DNAJC13: variants seen among roughly 807,000 people sequenced by gnomAD.
The protein encoded by DNAJC13 is DnaJ heat shock protein family (Hsp40) member C13.
DNAJC13 carries 75 observed loss-of-function variants against 290.5 expected under a neutral mutation model. The observed-to-expected ratio is 0.26, with a 90% CI of 0.21 to 0.31. DNAJC13 has a LOEUF of 0.31. DNAJC13 is among the 10% of genes least tolerant of loss of function. The pLI is 1.00. For synonymous variants in DNAJC13, 862 were observed against 892.0 expected, an observed-to-expected ratio of 0.97 and a Z score of 0.60; for missense variants, 2,260 against 2,674.5, an observed-to-expected ratio of 0.85 and a Z score of 3.42.
chr3:132,461,464 C>T (rs1390415259), intron 15 of DNAJC13, among the ~76,000 whole-genome samples: 2 of 152,186 alleles, frequency 1.3e-5, no homozygotes, highest in African/African-American at 4.8e-5. Context: ...GGGCTACACT[C>T]AAAGCCATCC....
chr3:132,508,640 C>G (rs4267640), intron 43 of DNAJC13, among the ~76,000 whole-genome samples: 90,974 of 152,028 alleles, frequency 0.6, 29,409 homozygotes, highest in East Asian at 0.87. Flanking sequence ...AGAGGGAAGA[C>G]GGGGGTGGTC....
chr3:132,455,221 G>A (rs1933561028), intron 9 of DNAJC13, among the ~76,000 whole-genome samples: 1 of 152,026 alleles, frequency 6.6e-6, no homozygotes, highest in South Asian at 2.1e-4. Flanking sequence ...GATTGAAATA[G>A]ACACCTCACT....
chr3:132,510,958 A>G (rs1188808423), intron 43 of DNAJC13, 109 bp from the exon 44 acceptor site: 4 of 1,220,442 alleles, frequency 3.3e-6, no homozygotes, highest in Non-Finnish European at 4.7e-6. Flanking sequence ...ATGTGTATGT[A>G]TAATTTAATC....
In DNAJC13 at chr3:132,538,312, A is replaced by G. The variant is rs1291379405; in HGVS notation, c.*30A>G. 2 of 1,578,730 alleles carry G rather than the reference A, an allele frequency of 1.3e-6. No individual in the cohort carries two copies. Among genetic ancestry groups the G allele is most frequent in the Non-Finnish European group, 1.7e-6 (2 of 1,151,734 alleles). On this transcript the variant is annotated 3_prime_UTR_variant, in exon 56 of 56. Transcript: ENST00000260818. ...TTCACGAGAGACAATAAACGCTGAAAGGCCAGTGCCAAGTCCACATTCCTC... is the reference window on the plus strand; with the variant it reads ...TTCACGAGAGACAATAAACGCTGAAGGGCCAGTGCCAAGTCCACATTCCTC...
chr3:132,469,406 G>A (rs909054125), intron 20 of DNAJC13, among the ~76,000 whole-genome samples: 1 of 152,170 alleles, frequency 6.6e-6, no homozygotes, highest in African/African-American at 2.4e-5. Context: ...AGTAACCTTT[G>A]GCTAATGTAT....
chr3:132,527,065 A>AT (rs1460792550), intron 53 of DNAJC13, among the ~76,000 whole-genome samples: 2 of 152,230 alleles, frequency 1.3e-5, no homozygotes, highest in African/African-American at 4.8e-5. Flanking sequence ...TACATTGTAT[A>AT]TTTCAAAATT....
chr3:132,493,973 C>T lies in DNAJC13; in HGVS notation c.3826-171C>T, dbSNP rs539815082. Among the ~76,000 whole-genome samples, 22 of 152,112 alleles carry T rather than the reference C, an allele frequency of 1.4e-4. No individual in the cohort carries two copies. In the South Asian group the frequency reaches 3.7e-3, roughly 26 times the overall value. On this transcript the variant is annotated intron_variant, in intron 33 of 55. Coordinates refer to ENST00000260818, the MANE Select transcript of DNAJC13 (RefSeq NM_015268.4). Reference sequence around the variant, plus strand: ...CTTGTAACAAATACCTTGCTCTGCCCAACTATACAGCAGTGCTCAGGTGAT... The same window carrying T: ...CTTGTAACAAATACCTTGCTCTGCCTAACTATACAGCAGTGCTCAGGTGAT...
At chr3:132,513,138 C>T (rs1013506603) in intron 45 of DNAJC13, 39 bp downstream of exon 45, 15 of 1,497,174 alleles carry the variant, frequency 1.0e-5, no homozygotes, top group Non-Finnish European at 1.4e-5. Context: ...GCCTTTCCTA[C>T]CACTTACCAT....
intron 34 of DNAJC13, among the ~76,000 whole-genome samples, chr3:132,494,729 C>A (rs903054332): frequency 6.6e-6 from 1 of 152,060 alleles, no homozygotes; most frequent in African/African-American, 2.4e-5. Flanking sequence ...TAGACTAAAA[C>A]TGTATATTTT....
chr3:132,466,196 A>C, intron 18 of DNAJC13, 103 bp from the exon 19 acceptor site: 2 of 1,424,460 alleles, frequency 1.4e-6, no homozygotes, highest in Non-Finnish European at 9.7e-7. Flanking sequence ...AGTTACCGTA[A>C]AGTTTTACCC....
chr3:132,463,914 A>C, intron 17 of DNAJC13, 97 bp downstream of exon 17: 1 of 1,358,720 alleles, frequency 7.4e-7, no homozygotes, highest in Non-Finnish European at 9.9e-7. Flanking sequence ...TTACACAAAT[A>C]ATACATTTTC....
chr3:132,457,865 A>T (rs577015886), intron 13 of DNAJC13: 1 of 153,064 alleles, frequency 6.5e-6, no homozygotes. Context: ...GTTATAAGGT[A>T]TGGATGGGGG....
At chr3:132,521,062 T>C (rs908488752) in intron 48 of DNAJC13, among the ~76,000 whole-genome samples, 10 of 152,156 alleles carry the variant, frequency 6.6e-5, no homozygotes, top group Non-Finnish European at 1.2e-4. Flanking sequence ...GTGATTCTTA[T>C]GAGACAGCTA....
rs756954400 is a variant in DNAJC13 at position 132,434,529 on chromosome 3, A to G, written c.-13-9A>G. The stretch of plus-strand genomic sequence containing the variant: ...ATGTACTAAGTGCCCTCATATTTTT[A>G]TCTTCCAGGTTTGAGCACAAAATGA... On this transcript the variant is annotated splice_polypyrimidine_tract_variant and intron_variant, in intron 1 of 55. Coordinates refer to ENST00000260818, the MANE Select transcript of DNAJC13 (RefSeq NM_015268.4). 49 of 1,599,432 alleles carry G rather than the reference A, an allele frequency of 3.1e-5. No homozygotes were observed. The highest frequency in any genetic ancestry group is 3.9e-5 in the Non-Finnish European group (46 of 1,170,558).
At chr3:132,525,164 C>T (rs571226102) in intron 51 of DNAJC13, among the ~76,000 whole-genome samples, 1 of 152,190 alleles carries the variant, frequency 6.6e-6, no homozygotes, top group Non-Finnish European at 1.5e-5. Context: ...ATGGAGAAAC[C>T]CCGTCTCTAC....
rs750053629 is a variant in DNAJC13, at chr3:132,447,110, GTCA to G, written c.145-206_145-204del. 3.9e-5 allele frequency among the ~76,000 whole-genome samples: 6 copies of G among 151,980 alleles called. No homozygotes were observed. The East Asian group carries it at 7.7e-4, about 20-fold the overall frequency. ...TTAATTTTAATTTCTTTGGATTAATGTCATCATTAAAATAGGAATACATATTGG... is the reference window on the plus strand; with the variant it reads ...TTAATTTTAATTTCTTTGGATTAATGTCATTAAAATAGGAATACATATTGG... On this transcript the variant is annotated intron_variant, in intron 3 of 55. Transcript: ENST00000260818.
At chr3:132,468,387 T>C (rs1407523332) in intron 20 of DNAJC13, among the ~76,000 whole-genome samples, 1 of 152,208 alleles carries the variant, frequency 6.6e-6, no homozygotes, top group African/African-American at 2.4e-5. Flanking sequence ...TACGTAAGCA[T>C]AGCAGAACAA....
At chr3:132,461,299 T>C in intron 15 of DNAJC13, 94 bp downstream of exon 15, 2 of 1,383,292 alleles carry the variant, frequency 1.4e-6, no homozygotes, top group South Asian at 1.2e-5. Flanking sequence ...CATACTTCTA[T>C]AGCAGAGGTG....
intron 50 of DNAJC13, 62 bp from the exon 51 acceptor site, chr3:132,523,478 G>T: frequency 6.6e-7 from 1 of 1,520,926 alleles, no homozygotes; most frequent in Non-Finnish European, 8.9e-7. Flanking sequence ...CTTTAATATG[G>T]TGTGCATTTC....
Sources: gnomAD v4.1 joint callset for allele counts (sites outside exome capture counted in the v4.1 genomes callset) on GRCh38, gnomAD v4.1.1 for gene constraint, MANE v1.5 for transcripts, NCBI Gene and HGNC (gene_info 2026-07-23, HGNC 2026-07-21) for gene names.